The following PRKG1 variants were observed in gnomAD, a reference collection of about 807,000 sequenced individuals.
PRKG1 encodes the protein protein kinase cGMP-dependent 1, also known as cGMP-dependent protein kinase 1.
Under a neutral mutation model 88.1 loss-of-function variants are expected in PRKG1, and 35 were observed. The ratio of observed to expected loss-of-function variants is 0.40; its 90% CI spans 0.30 to 0.53. PRKG1 has a LOEUF of 0.53. Ranked by LOEUF, PRKG1 falls within the 20% of genes least tolerant of loss-of-function variation. The probability of loss-of-function intolerance (pLI) is 0.59; values close to 1 mark genes in which losing one functional copy is unlikely to be tolerated. For synonymous variants in PRKG1, 303 were observed against 292.5 expected, an observed-to-expected ratio of 1.04 and a Z score of -0.37; for missense variants, 540 against 839.8, an observed-to-expected ratio of 0.64 and a Z score of 4.41.
intron 1 of PRKG1, among the ~76,000 whole-genome samples, chr10:51,008,301 C>G (rs1842960382): frequency 6.6e-6 from 1 of 152,166 alleles, no homozygotes; most frequent in Admixed American, 6.5e-5. Context: ...TAGGTATATA[C>G]TGCAAGAAGG....
At chr10:51,764,921 C>T (rs1382589749) in intron 3 of PRKG1, among the ~76,000 whole-genome samples, 1 of 152,144 alleles carries the variant, frequency 6.6e-6, no homozygotes, top group Non-Finnish European at 1.5e-5. Context: ...AGCAAGAAGG[C>T]ATGTTTCATG....
intron 3 of PRKG1, among the ~76,000 whole-genome samples, chr10:51,509,726 T>C (rs775123051): frequency 1.3e-5 from 2 of 152,176 alleles, no homozygotes; most frequent in Admixed American, 1.3e-4. Context: ...GTTTTGTATA[T>C]GCTGTATCAT....
chr10:51,303,963 G>A (rs574994580), intron 2 of PRKG1, among the ~76,000 whole-genome samples: 4 of 151,790 alleles, frequency 2.6e-5, no homozygotes, highest in African/African-American at 9.7e-5. Context: ...GGGATTACAG[G>A]CACCCACCAC....
At chr10:51,670,785 TAAA>T (rs1240654317) in intron 3 of PRKG1, among the ~76,000 whole-genome samples, 1 of 148,342 alleles carries the variant, frequency 6.7e-6, no homozygotes, top group Non-Finnish European at 1.5e-5. Flanking sequence ...AATAAATAAA[TAAA>T]AATGCAAGAT....
intron 2 of PRKG1, among the ~76,000 whole-genome samples, chr10:51,425,016 C>A (rs887387622): frequency 6.6e-6 from 1 of 152,084 alleles, no homozygotes; most frequent in African/African-American, 2.4e-5. Context: ...TTCCTTTCCT[C>A]CCATCTTTCC....
chr10:51,537,514 C>T (rs1220193745), intron 3 of PRKG1, among the ~76,000 whole-genome samples: 1 of 151,984 alleles, frequency 6.6e-6, no homozygotes, highest in Non-Finnish European at 1.5e-5. Context: ...AGGCGGATCA[C>T]AAGATCAGGA....
At chr10:51,128,461 ACTTTGCATCTGTGG>A (rs1845486108) in intron 1 of PRKG1, among the ~76,000 whole-genome samples, 1 of 152,168 alleles carries the variant, frequency 6.6e-6, no homozygotes, top group African/African-American at 2.4e-5. Context: ...TAATCCATCT[ACTTTGCATCTGTGG>A]CTTTGCTTTG....
intron 5 of PRKG1, among the ~76,000 whole-genome samples, chr10:51,948,147 T>C (rs117876672): frequency 2.0e-3 from 308 of 152,320 alleles, no homozygotes; most frequent in Non-Finnish European, 3.5e-3. Flanking sequence ...TTATTTACAT[T>C]GTTACCTCAA....
At chr10:51,394,534 G>T (rs1837526422) in intron 2 of PRKG1, among the ~76,000 whole-genome samples, 1 of 152,144 alleles carries the variant, frequency 6.6e-6, no homozygotes, top group Admixed American at 6.5e-5. Flanking sequence ...AGGCAGGAGG[G>T]GAATAAACTC....
intron 5 of PRKG1, among the ~76,000 whole-genome samples, chr10:51,941,827 C>A (rs1349217912): frequency 6.6e-6 from 1 of 151,772 alleles, no homozygotes; most frequent in Non-Finnish European, 1.5e-5. Flanking sequence ...TGTATATGTG[C>A]CACATTTTCT....
At chr10:51,905,645 T>C (rs1205322674) in intron 4 of PRKG1, among the ~76,000 whole-genome samples, 1 of 152,136 alleles carries the variant, frequency 6.6e-6, no homozygotes, top group African/African-American at 2.4e-5. Context: ...ATAAAGTAAG[T>C]TTTATTGGTT....
chr10:51,188,129 G>A (rs1373571946), intron 2 of PRKG1, among the ~76,000 whole-genome samples: 5 of 152,024 alleles, frequency 3.3e-5, no homozygotes, highest in South Asian at 2.1e-4. Flanking sequence ...GGCACTATAC[G>A]ATGAACACTG....
chr10:52,281,043 T>C, intron 13 of PRKG1, 113 bp downstream of exon 13: 1 of 1,257,996 alleles, frequency 7.9e-7, no homozygotes, highest in Non-Finnish European at 1.1e-6. Context: ...GTTGTAACTT[T>C]CTTAAAAGCA....
intron 2 of PRKG1, among the ~76,000 whole-genome samples, chr10:51,337,522 A>T (rs1425711034): frequency 1.3e-5 from 2 of 152,126 alleles, no homozygotes; most frequent in Non-Finnish European, 2.9e-5. Context: ...TTTGACAAAG[A>T]TCTAATATCC....
At chr10:52,098,186 C>A (rs1400206042) in intron 7 of PRKG1, among the ~76,000 whole-genome samples, 2 of 152,074 alleles carry the variant, frequency 1.3e-5, no homozygotes, top group African/African-American at 4.8e-5. Context: ...CAAGAAGATA[C>A]CACAAATGTT....
At chr10:51,257,335 G>C (rs1021445162) in intron 2 of PRKG1, among the ~76,000 whole-genome samples, 1 of 152,164 alleles carries the variant, frequency 6.6e-6, no homozygotes, top group African/African-American at 2.4e-5. Flanking sequence ...ATGTGCGGGT[G>C]AGAGGCAAAA....
At chr10:51,852,404 G>A (rs929063420) in intron 4 of PRKG1, among the ~76,000 whole-genome samples, 3 of 151,548 alleles carry the variant, frequency 2.0e-5, no homozygotes, top group Non-Finnish European at 4.4e-5. Context: ...AGGAAACAGA[G>A]GTAGAGGTGA....
intron 2 of PRKG1, among the ~76,000 whole-genome samples, chr10:51,238,725 C>T (rs1394329064): frequency 6.6e-6 from 1 of 150,674 alleles, no homozygotes; most frequent in Non-Finnish European, 1.5e-5. Flanking sequence ...GGTTCCACTG[C>T]ACTCCAGCCT....
intron 9 of PRKG1, among the ~76,000 whole-genome samples, chr10:52,242,921 GAGA>G (rs1840905337): frequency 4.2e-5 from 2 of 48,072 alleles, no homozygotes; most frequent in African/African-American, 7.8e-5. Flanking sequence ...GAAGGAGAAA[GAGA>G]AGAAGAAGAA....
Sources: gnomAD v4.1 joint callset for allele counts (sites outside exome capture counted in the v4.1 genomes callset) on GRCh38, gnomAD v4.1.1 for gene constraint, MANE v1.5 for transcripts, NCBI Gene and HGNC (gene_info 2026-07-23, HGNC 2026-07-21) for gene names.